CLEC19A: variants seen among roughly 807,000 people sequenced by gnomAD.
The protein encoded by CLEC19A is C-type lectin domain containing 19A, also known as C-type lectin domain family 19 member A.
A neutral mutation model predicts 26.1 loss-of-function variants in CLEC19A; 21 were observed. The observed-to-expected ratio is 0.80, with a 90% CI of 0.57 to 1.16. The LOEUF (loss-of-function observed/expected upper bound fraction) is 1.16, where lower values mean the gene tolerates loss of function less well. Among genes scored for constraint, CLEC19A ranks in the 50% most tolerant of loss-of-function variants. The pLI is 0.00. For synonymous variants in CLEC19A, 89 were observed against 88.6 expected (o/e 1.00, Z -0.03); for missense variants, 224 against 227.6 (o/e 0.98, Z 0.10).
rs1474743823 is a variant in CLEC19A at position 19,286,004 on chromosome 16, C to A, written c.88+65C>A. On this transcript the variant is annotated intron_variant, in intron 1 of 4. Coordinates refer to ENST00000636231, the MANE Select transcript of CLEC19A (RefSeq NM_001256720.2). ...GTACACTCTCAGGAACTTATTCTAT[C>A]GGTGAGGCCTGGCAGCTTCTGTTGG... is the stretch of plus-strand genomic sequence containing the variant. 4.1e-6 allele frequency: 6 copies of A among 1,464,872 alleles called. No homozygotes were observed. The African/African-American group carries it at 4.2e-5, about 10-fold the overall frequency. 90.7% of individuals were successfully genotyped at this position (1,464,872 alleles called of 1,614,324 possible).
chr16:19,292,731 A>G (rs1211172297), intron 1 of CLEC19A, among the ~76,000 whole-genome samples: 4 of 152,248 alleles, frequency 2.6e-5, no homozygotes, highest in African/African-American at 9.6e-5. Context: ...GCAGAGACTC[A>G]AAGGAGAAAC....
At position 19,301,766 on chromosome 16, in the gene CLEC19A, T is replaced by TA. The variant is rs1555467832; in HGVS notation, c.255-2295dup. Among the ~76,000 whole-genome samples, 259 of 115,970 alleles carry TA rather than the reference T, an allele frequency of 2.2e-3. 5 individuals are homozygous for TA. The highest frequency in any genetic ancestry group is 3.4e-3 in the Non-Finnish European group (187 of 55,500). 76.1% of individuals were successfully genotyped at this position (115,970 alleles called of 152,430 possible). A position where few individuals can be genotyped will look rare whatever the true frequency, so the allele number is the denominator to read the frequency against. On this transcript the variant is annotated intron_variant, in intron 2 of 4. Coordinates refer to ENST00000636231, the MANE Select transcript of CLEC19A (RefSeq NM_001256720.2). ...TTTTTTTTTTTTTTTTTTTTTTTTGTATTTTTAGCAGAGACGGAGTTTCAC... is the reference window on the plus strand; with the variant it reads ...TTTTTTTTTTTTTTTTTTTTTTTTGTAATTTTTAGCAGAGACGGAGTTTCAC...
intron 2 of CLEC19A, among the ~76,000 whole-genome samples, chr16:19,300,300 A>G (rs973190648): frequency 1.3e-5 from 2 of 152,004 alleles, no homozygotes; most frequent in Non-Finnish European, 2.9e-5. Context: ...TGTAATCCCA[A>G]CCCTATGGGA....
intron 1 of CLEC19A, among the ~76,000 whole-genome samples, chr16:19,289,977 C>T (rs1054439531): frequency 3.3e-5 from 5 of 152,190 alleles, no homozygotes; most frequent in Non-Finnish European, 2.9e-5. Context: ...ACAAATGTGG[C>T]CCCTGAGCCT....
rs56074609 is a variant in CLEC19A, at chr16:19,309,303, TA to T, written c.*223del. Reference sequence around the variant, plus strand: ...TAATTTTTTAAAGTGTTTTTTTTTTTAAATTGACCCAAGTAACAAAAATCCA... The same window carrying T: ...TAATTTTTTAAAGTGTTTTTTTTTTTAATTGACCCAAGTAACAAAAATCCA... On this transcript the variant is annotated 3_prime_UTR_variant, in exon 5 of 5. Transcript: ENST00000636231. The T allele has an allele frequency of 0.15, 64,962 of 441,738 alleles. 4,314 individuals are homozygous for T. Among genetic ancestry groups the T allele is most frequent in the East Asian group, 0.3 (6,615 of 22,140 alleles). The allele number at this position is 441,738 out of a possible 1,614,324, so 27.4% of individuals were successfully genotyped here. A position where few individuals can be genotyped will look rare whatever the true frequency, so the allele number is the denominator to read the frequency against.
chr16:19,302,592 A>G (rs1267276726), intron 2 of CLEC19A, among the ~76,000 whole-genome samples: 2 of 152,194 alleles, frequency 1.3e-5, no homozygotes, highest in East Asian at 1.9e-4. Flanking sequence ...TGACATACTA[A>G]AGTTCGCCTT....
Position 19,309,676 on chromosome 16 carries a change from A to C in CLEC19A, c.*593A>C, listed in dbSNP as rs1358210385. 1.3e-5 allele frequency: 2 copies of C among 152,504 alleles called. No individual in the cohort carries two copies. Among genetic ancestry groups the C allele is most frequent in the East Asian group, 3.8e-4 (2 of 5,214 alleles). The allele number at this position is 152,504 out of a possible 1,614,324, so 9.4% of individuals were successfully genotyped here. ...AGTCTCACTCTGTTGCCCAGGCTGAAGTGCAATGATGCAATCACAGCTCAC... is the reference window on the plus strand; with the variant it reads ...AGTCTCACTCTGTTGCCCAGGCTGACGTGCAATGATGCAATCACAGCTCAC... On this transcript the variant is annotated 3_prime_UTR_variant, in exon 5 of 5. Transcript: ENST00000636231.
intron 1 of CLEC19A, among the ~76,000 whole-genome samples, chr16:19,291,465 G>A (rs1454507979): frequency 6.6e-6 from 1 of 152,184 alleles, no homozygotes; most frequent in Non-Finnish European, 1.5e-5. Flanking sequence ...CTTCATCTGT[G>A]AAGTGGGGGT....
chr16:19,307,686 C>T lies in CLEC19A; in HGVS notation c.481+9C>T, dbSNP rs1418073799. 2 of 1,547,842 alleles carry T rather than the reference C, an allele frequency of 1.3e-6. No homozygotes were observed. Among genetic ancestry groups the T allele is most frequent in the Non-Finnish European group, 1.7e-6 (2 of 1,146,620 alleles). ...GTACAGGCCTACCAGTGGTGGGTACCCCTGAGACCAAGGCTCTTGCAGGGG... is the reference window on the plus strand; with the variant it reads ...GTACAGGCCTACCAGTGGTGGGTACTCCTGAGACCAAGGCTCTTGCAGGGG... On this transcript the variant is annotated intron_variant, in intron 4 of 4. Coordinates refer to ENST00000636231, the MANE Select transcript of CLEC19A (RefSeq NM_001256720.2).
At position 19,309,022 on chromosome 16, in the gene CLEC19A, A is replaced by G; in HGVS notation, c.500A>G (p.Asp167Gly). 1.3e-6 allele frequency: 2 copies of G among 1,548,358 alleles called. No individual in the cohort carries two copies. The highest frequency in any genetic ancestry group is 1.7e-6 in the Non-Finnish European group (2 of 1,146,774). ...RPTSALRSWN[D>G]NTCSRKFPFV... ...ATCACAGCTCTGAGGTCATGGAATGATAACACCTGCAGCCGGAAGTTCCCC... is the reference window on the plus strand; with the variant it reads ...ATCACAGCTCTGAGGTCATGGAATGGTAACACCTGCAGCCGGAAGTTCCCC... Residue 167 changes from aspartate (D) to glycine (G), a missense_variant, in exon 5 of 5, where the codon GAT becomes GGT. Transcript: ENST00000636231.
At chr16:19,292,240 A>G (rs1310512355) in intron 1 of CLEC19A, among the ~76,000 whole-genome samples, 1 of 152,186 alleles carries the variant, frequency 6.6e-6, no homozygotes, top group Admixed American at 6.5e-5. Context: ...TCACATTCAC[A>G]AGAATCACCT....
chr16:19,292,862 T>C (rs1355005435), intron 1 of CLEC19A, among the ~76,000 whole-genome samples: 1 of 152,070 alleles, frequency 6.6e-6, no homozygotes, highest in African/African-American at 2.4e-5. Context: ...TGACAGAGAA[T>C]AAGCTAGGGG....
At chr16:19,292,679 A>G (rs1166012912) in intron 1 of CLEC19A, among the ~76,000 whole-genome samples, 1 of 152,244 alleles carries the variant, frequency 6.6e-6, no homozygotes, top group Non-Finnish European at 1.5e-5. Context: ...AAAAGCATTT[A>G]TCAGAGGCTC....
At chr16:19,297,488 A>G (rs1897730408) in intron 1 of CLEC19A, among the ~76,000 whole-genome samples, 2 of 152,218 alleles carry the variant, frequency 1.3e-5, no homozygotes, top group Admixed American at 6.5e-5. Context: ...CTCTCCTCAG[A>G]AAATCAGCAG....
Position 19,310,905 on chromosome 16 carries a change from T to C in CLEC19A, c.*1822T>C, listed in dbSNP as rs375323104. Reference sequence around the variant, plus strand: ...GTAAATGTACAAGAAGCCACTGAACTGTACATTTTAAAATAATAGTTAAAA... The same window carrying C: ...GTAAATGTACAAGAAGCCACTGAACCGTACATTTTAAAATAATAGTTAAAA... On this transcript the variant is annotated 3_prime_UTR_variant, in exon 5 of 5. Transcript: ENST00000636231. 6.6e-6 allele frequency: 1 copy of C among 152,236 alleles called. No individual in the cohort carries two copies. The highest frequency in any genetic ancestry group is 2.1e-4 in the South Asian group (1 of 4,822). 9.4% of individuals were successfully genotyped at this position (152,236 alleles called of 1,614,324 possible).
intron 2 of CLEC19A, among the ~76,000 whole-genome samples, chr16:19,301,753 TTTTTTTTTTTTG>T (rs1484454301): frequency 2.3e-5 from 3 of 132,302 alleles, no homozygotes; most frequent in Admixed American, 7.7e-5. Flanking sequence ...TTTTTTTTTT[TTTTTTTTTTTTG>T]TATTTTTAGC....
chr16:19,296,656 A>G (rs1490612775), intron 1 of CLEC19A, among the ~76,000 whole-genome samples: 1 of 152,204 alleles, frequency 6.6e-6, no homozygotes, highest in Admixed American at 6.5e-5. Context: ...TACCTACAGG[A>G]TGATCTTGGG....
At position 19,300,021 on chromosome 16, in the gene CLEC19A, C is replaced by T. The variant is rs560111753; in HGVS notation, c.254+1183C>T. 2.0e-5 allele frequency among the ~76,000 whole-genome samples: 3 copies of T among 152,106 alleles called. No homozygotes were observed. The East Asian group carries it at 5.8e-4, about 29-fold the overall frequency. On this transcript the variant is annotated intron_variant, in intron 2 of 4. Transcript: ENST00000636231. ...GGCAGATCACCTGAGGTCAGGAGTT[C>T]GAGACCAGCCTGGCTAACATGGCGA...
intron 2 of CLEC19A, among the ~76,000 whole-genome samples, chr16:19,301,151 T>G (rs537495076): frequency 6.6e-6 from 1 of 152,306 alleles, no homozygotes; most frequent in African/African-American, 2.4e-5. Context: ...GCAAAAGTGA[T>G]TCCAAATCAA....
Sources: allele counts gnomAD v4.1 joint callset (sites outside exome capture counted in the v4.1 genomes callset), GRCh38; gene constraint gnomAD v4.1.1; transcripts MANE v1.5; gene names NCBI Gene and HGNC (gene_info 2026-07-23, HGNC 2026-07-21).